Variants in SYDE1 observed in about 807,000 individuals in gnomAD.
SYDE1 encodes the protein rho GTPase-activating protein SYDE1.
In SYDE1, 34 loss-of-function variants were observed where a neutral mutation model predicts 63.3. The ratio of observed to expected loss-of-function variants is 0.54; its 90% CI spans 0.41 to 0.71. The LOEUF (loss-of-function observed/expected upper bound fraction) is 0.71. Among genes scored for constraint, SYDE1 ranks in the 30% least tolerant of loss-of-function variants. SYDE1 has a pLI of 0.00. For synonymous variants in SYDE1, 467 were observed against 473.4 expected, an observed-to-expected ratio of 0.99 and a Z score of 0.18; for missense variants, 925 against 1,042.5, an observed-to-expected ratio of 0.89 and a Z score of 1.55.
At position 15,110,424 on chromosome 19, in the gene SYDE1, G is replaced by T; in HGVS notation, c.1075+76G>T. On this transcript the variant is annotated intron_variant, in intron 3 of 7. Coordinates refer to ENST00000342784, the MANE Select transcript of SYDE1 (RefSeq NM_033025.6). This position sits in a 1 kb window ranked among gnomAD's most constrained non-coding sequence, Gnocchi z 6.9. ...CGCCACCCCCCGCAGAGTGCCTAGG[G>T]GGCTGGGCTCCGGGCGGAAGGTGTG... 1.4e-6 allele frequency: 2 copies of T among 1,474,780 alleles called. No individual in the cohort carries two copies. Among genetic ancestry groups the T allele is most frequent in the Non-Finnish European group, 9.0e-7 (1 of 1,108,768 alleles). 91.4% of individuals were successfully genotyped at this position (1,474,780 alleles called of 1,614,324 possible).
chr19:15,109,597 C>G lies in SYDE1; in HGVS notation c.431-107C>G, dbSNP rs1288429573. ...AGCATCAGCCTCACACCCTCCTCCC[C>G]GCCAGGGGAACACCAGCCTCACACT... is the stretch of plus-strand genomic sequence containing the variant. On this transcript the variant is annotated intron_variant, in intron 2 of 7. Transcript: ENST00000342784. The surrounding 1 kb of genome is among the most constrained non-coding windows in gnomAD (Gnocchi z 5.0). The G allele has an allele frequency of 4.3e-6, 4 of 928,526 alleles. No homozygotes were observed. Among genetic ancestry groups the G allele is most frequent in the African/African-American group, 3.4e-5 (2 of 59,424 alleles). 57.5% of individuals were successfully genotyped at this position (928,526 alleles called of 1,614,324 possible). A position where few individuals can be genotyped will look rare whatever the true frequency, so the allele number is the denominator to read the frequency against.
intron 1 of SYDE1, 24 bp downstream of exon 1, chr19:15,107,545 A>G (rs896580111): frequency 1.3e-6 from 2 of 1,518,052 alleles, no homozygotes; most frequent in Non-Finnish European, 1.8e-6. Flanking sequence ...GGTGGGGAAC[A>G]GGGGGCGCCG....
rs1255640500 is a variant in SYDE1 at position 15,109,816 on chromosome 19, C to G, written c.543C>G (p.Ser181Arg). The part of the protein sequence containing the change: ...KKLPELRRRL[S>R]LRGPRAGRER... ...TGCCGGAACTGCGGCGCCGCCTGAG[C>G]CTGCGAGGCCCCCGGGCTGGCAGGG... The change falls in exon 3 of 8, where the codon AGC becomes AGG. Residue 181 changes from serine to arginine, a missense_variant. This residue lies in a region of SYDE1 where 599 missense variants were observed against 653.7 expected (regional missense o/e 0.92). Transcript: ENST00000342784. The surrounding 1 kb of genome is among the most constrained non-coding windows in gnomAD (Gnocchi z 5.0). 5.9e-6 allele frequency: 9 copies of G among 1,534,336 alleles called. No homozygotes were observed. Among genetic ancestry groups the G allele is most frequent in the Non-Finnish European group, 7.0e-6 (8 of 1,145,230 alleles).
Position 15,113,852 on chromosome 19 carries a change from C to A in SYDE1, c.2097C>A (p.Phe699Leu). The A allele has an allele frequency of 6.2e-7, 1 of 1,614,184 alleles. No homozygotes were observed. Among genetic ancestry groups the A allele is most frequent in the Non-Finnish European group, 8.5e-7 (1 of 1,180,032 alleles). ...EVGEPRVTGD[F>L]EDDFDAPFNP... The stretch of plus-strand genomic sequence containing the variant: ...GCGAGCCGAGGGTCACCGGTGACTT[C>A]GAAGACGACTTCGATGCGCCCTTCA... Residue 699 changes from phenylalanine to leucine, a missense_variant, in exon 8 of 8, where the codon TTC becomes TTA. Physicochemically the swap from Phe to Leu is conservative, Grantham distance 22. Around this residue, in one of 3 missense-constraint regions of SYDE1, gnomAD observed 255 missense variants for 255.9 expected, o/e 1.00. Transcript: ENST00000342784.
chr19:15,111,251 C>A lies in SYDE1; in HGVS notation c.1291-62C>A, dbSNP rs1465391563. 6.3e-7 allele frequency: 1 copy of A among 1,593,580 alleles called. No homozygotes were observed. The highest frequency in any genetic ancestry group is 2.2e-5 in the East Asian group (1 of 44,616). On this transcript the variant is annotated intron_variant, in intron 4 of 7. Coordinates refer to ENST00000342784, the MANE Select transcript of SYDE1 (RefSeq NM_033025.6). This position sits in a 1 kb window ranked among gnomAD's most constrained non-coding sequence, Gnocchi z 5.5. ...GCCCAGAATTCCAGTGCTCACCCCA[C>A]TGGGCCCTGATTAGTCTGTGGCCCC...
intron 6 of SYDE1, 106 bp from the exon 7 acceptor site, chr19:15,112,240 T>G: frequency 5.8e-6 from 4 of 690,894 alleles, no homozygotes; most frequent in South Asian, 1.9e-5. Context: ...ATCCCAGCTA[T>G]GAGACTGTGA....
Position 15,110,178 on chromosome 19 carries a change from G to C in SYDE1, c.905G>C (p.Arg302Pro). 1.1e-5 allele frequency: 16 copies of C among 1,410,650 alleles called. No individual in the cohort carries two copies. The highest frequency in any genetic ancestry group is 1.4e-5 in the Non-Finnish European group (15 of 1,086,106). 87.4% of individuals were successfully genotyped at this position (1,410,650 alleles called of 1,614,324 possible). The change falls in exon 3 of 8, where the codon CGA becomes CCA. Residue 302 changes from arginine (R) to proline (P), a missense_variant. Physicochemically the swap from Arg to Pro is moderately radical, Grantham distance 103 (BLOSUM62 -2). Coordinates refer to ENST00000342784, the MANE Select transcript of SYDE1 (RefSeq NM_033025.6). The surrounding 1 kb of genome is among the most constrained non-coding windows in gnomAD (Gnocchi z 6.9). ...LLQVDGEARA[R>P]TGPLRGGPDF... is the part of the protein sequence containing the mutation. The stretch of plus-strand genomic sequence containing the variant: ...CAAGTGGATGGGGAGGCCAGGGCCC[G>C]AACAGGGCCACTGCGAGGGGGGCCG...
Position 15,110,188 on chromosome 19 carries a change from A to G in SYDE1, c.915A>G (p.Pro305=). The change falls in exon 3 of 8, where the codon CCA becomes CCG. Residue 305 remains proline (P), a synonymous_variant. Transcript: ENST00000342784. The surrounding 1 kb of genome is among the most constrained non-coding windows in gnomAD (Gnocchi z 6.9). ...VDGEARARTG[P]LRGGPDFLRL... is the part of the protein sequence containing the mutation. ...GGGAGGCCAGGGCCCGAACAGGGCCACTGCGAGGGGGGCCGGACTTCCTGC... is the reference window on the plus strand; with the variant it reads ...GGGAGGCCAGGGCCCGAACAGGGCCGCTGCGAGGGGGGCCGGACTTCCTGC... The G allele has an allele frequency of 7.1e-7, 1 of 1,413,600 alleles. No homozygotes were observed. The highest frequency in any genetic ancestry group is 9.2e-7 in the Non-Finnish European group (1 of 1,086,820). 87.6% of individuals were successfully genotyped at this position (1,413,600 alleles called of 1,614,324 possible). A position where few individuals can be genotyped will look rare whatever the true frequency, so the allele number is the denominator to read the frequency against.
chr19:15,110,729 G>C lies in SYDE1; in HGVS notation c.1284G>C (p.Gly428=). 1 of 1,549,188 alleles carries C rather than the reference G, an allele frequency of 6.5e-7. No homozygotes were observed. The highest frequency in any genetic ancestry group is 8.7e-7 in the Non-Finnish European group (1 of 1,149,568). The stretch of plus-strand genomic sequence containing the variant: ...GCGTTGGGCAGATCGAGCGCCGAGG[G>C]CTGCGGGTGAGCACCCACCCCACCC... ...QKCVGQIERR[G]LRVVGLYRLC... The change falls in exon 4 of 8, where the codon GGG becomes GGC. Residue 428 remains glycine, a synonymous_variant. Transcript: ENST00000342784. This position sits in a 1 kb window ranked among gnomAD's most constrained non-coding sequence, Gnocchi z 6.9.
chr19:15,107,520 C>T lies in SYDE1; in HGVS notation c.87C>T (p.Arg29=). 2 of 1,541,624 alleles carry T rather than the reference C, an allele frequency of 1.3e-6. No individual in the cohort carries two copies. Among genetic ancestry groups the T allele is most frequent in the Non-Finnish European group, 1.8e-6 (2 of 1,140,594 alleles). ...GGAAAAAGTCGGACGCCAAGGAGCG[C>T]GGTAAGCGGAGATCGGTGGGGAACA... ...LPRKKSDAKE[R]GHPAQRPEPS... Residue 29 remains arginine (R), a splice_region_variant and synonymous_variant, in exon 1 of 8, where the codon CGC becomes CGT. Coordinates refer to ENST00000342784, the MANE Select transcript of SYDE1 (RefSeq NM_033025.6).
chr19:15,113,459 G>A (rs2046359151), intron 7 of SYDE1, 101 bp from the exon 8 acceptor site: 1 of 1,394,724 alleles, frequency 7.2e-7, no homozygotes, highest in African/African-American at 1.4e-5. Flanking sequence ...TGAAAGGGTC[G>A]AAGGCCGCTT....
rs2046345883 is a variant in SYDE1, at chr19:15,111,534, G to C, written c.1417+95G>C. ...CTCTGGGACCTCAGTCCTCCTATCT[G>C]ACCTTGCTTTCACCCACCTCCTCTT... On this transcript the variant is annotated intron_variant, in intron 5 of 7. Coordinates refer to ENST00000342784, the MANE Select transcript of SYDE1 (RefSeq NM_033025.6). The surrounding 1 kb of genome is among the most constrained non-coding windows in gnomAD (Gnocchi z 5.5). The C allele has an allele frequency of 6.3e-7, 1 of 1,597,700 alleles. No homozygotes were observed. Among genetic ancestry groups the C allele is most frequent in the Admixed American group, 1.7e-5 (1 of 59,310 alleles).
chr19:15,112,290 T>C, intron 6 of SYDE1, 56 bp from the exon 7 acceptor site: 1 of 1,230,432 alleles, frequency 8.1e-7, no homozygotes, highest in South Asian at 1.4e-5. Context: ...CTCTTGCAGG[T>C]AGGTGCCACA....
chr19:15,114,013 G>A lies in SYDE1; in HGVS notation c.*50G>A. The A allele has an allele frequency of 6.4e-7, 1 of 1,550,588 alleles. No homozygotes were observed. Among genetic ancestry groups the A allele is most frequent in the East Asian group, 2.3e-5 (1 of 44,386 alleles). On this transcript the variant is annotated 3_prime_UTR_variant, in exon 8 of 8. Transcript: ENST00000342784. The stretch of plus-strand genomic sequence containing the variant: ...GTTAGTAAGGACCGGGCGCCCAGTG[G>A]CTAAGGCGGTGCCCTGGTGACCAAG...
rs2046341509 is a variant in SYDE1, at chr19:15,110,772, G to A, written c.1290+37G>A. The A allele has an allele frequency of 6.8e-7, 1 of 1,473,872 alleles. No individual in the cohort carries two copies. The highest frequency in any genetic ancestry group is 9.1e-7 in the Non-Finnish European group (1 of 1,100,810). 91.3% of individuals were successfully genotyped at this position (1,473,872 alleles called of 1,614,324 possible). ...CCCCACCCCAACCCTCTGGCCCCCAGACCTCAGACCACTCTTCAGGACACC... is the reference window on the plus strand; with the variant it reads ...CCCCACCCCAACCCTCTGGCCCCCAAACCTCAGACCACTCTTCAGGACACC... On this transcript the variant is annotated intron_variant, in intron 4 of 7. Transcript: ENST00000342784. This position sits in a 1 kb window ranked among gnomAD's most constrained non-coding sequence, Gnocchi z 6.9.
Position 15,111,710 on chromosome 19 carries a change from T to A in SYDE1, c.1496T>A (p.Met499Lys). ...QPLYKVVLEA[M>K]ARDPPNRVPP... ...CTGTATAAGGTGGTACTGGAGGCCA[T>A]GGCCCGGGACCCCCCAAACAGAGTT... The change falls in exon 6 of 8, where the codon ATG becomes AAG. Residue 499 changes from methionine (M) to lysine (K), a missense_variant. Physicochemically the swap from Met to Lys is moderately conservative, Grantham distance 95 (BLOSUM62 -1). Around this residue, in one of 3 missense-constraint regions of SYDE1, gnomAD observed 71 missense variants for 132.8 expected, o/e 0.53. Transcript: ENST00000342784. This position sits in a 1 kb window ranked among gnomAD's most constrained non-coding sequence, Gnocchi z 5.5. The A allele has an allele frequency of 6.2e-7, 1 of 1,612,668 alleles. No homozygotes were observed. Among genetic ancestry groups the A allele is most frequent in the Non-Finnish European group, 8.5e-7 (1 of 1,179,352 alleles).
chr19:15,111,803 C>T lies in SYDE1; in HGVS notation c.1578+11C>T. The T allele has an allele frequency of 6.4e-7, 1 of 1,562,690 alleles. No individual in the cohort carries two copies. Among genetic ancestry groups the T allele is most frequent in the Non-Finnish European group, 8.7e-7 (1 of 1,154,936 alleles). ...CCAGATGTGGAAAGGGTGAGTTGGG[C>T]CTGGTGGGAGTGATGGGACTTGAGA... On this transcript the variant is annotated intron_variant, in intron 6 of 7. Transcript: ENST00000342784. This position sits in a 1 kb window ranked among gnomAD's most constrained non-coding sequence, Gnocchi z 5.5.
At position 15,109,719 on chromosome 19, in the gene SYDE1, G is replaced by GC; in HGVS notation, c.452dup (p.Thr152AsnfsTer241). The GC allele has an allele frequency of 4.6e-6, 7 of 1,515,646 alleles. No individual in the cohort carries two copies. The highest frequency in any genetic ancestry group is 2.7e-6 in the Non-Finnish European group (3 of 1,130,906). 93.9% of individuals were successfully genotyped at this position (1,515,646 alleles called of 1,614,324 possible). A position where few individuals can be genotyped will look rare whatever the true frequency, so the allele number is the denominator to read the frequency against. On this transcript the variant is annotated frameshift_variant, in exon 3 of 8. Transcript: ENST00000342784. LOFTEE classifies it high-confidence loss of function. The surrounding 1 kb of genome is among the most constrained non-coding windows in gnomAD (Gnocchi z 5.0). Reference sequence around the variant, plus strand: ...CTCCACACAGGTGCAGCCCCCGCCAGCCCCCCAACCAAAGCCTCCCGCACC... The same window carrying GC: ...CTCCACACAGGTGCAGCCCCCGCCAGCCCCCCCAACCAAAGCCTCCCGCACC...
chr19:15,110,805 C>T lies in SYDE1; in HGVS notation c.1290+70C>T. 7.6e-7 allele frequency: 1 copy of T among 1,318,418 alleles called. No homozygotes were observed. Among genetic ancestry groups the T allele is most frequent in the Non-Finnish European group, 1.0e-6 (1 of 975,048 alleles). The allele number at this position is 1,318,418 out of a possible 1,614,324, so 81.7% of individuals were successfully genotyped here. On this transcript the variant is annotated intron_variant, in intron 4 of 7. Coordinates refer to ENST00000342784, the MANE Select transcript of SYDE1 (RefSeq NM_033025.6). The surrounding 1 kb of genome is among the most constrained non-coding windows in gnomAD (Gnocchi z 6.9). The stretch of plus-strand genomic sequence containing the variant: ...ACCACTCTTCAGGACACCCTATGTA[C>T]AGATGCCAGACCCCTACCCCCAGGC...
Sources: gnomAD v4.1 joint callset for allele counts on GRCh38, gnomAD v4.1.1 for gene constraint, gnomAD v4.1.1 regional missense constraint, Gnocchi (gnomAD v3.1) non-coding constraint, MANE v1.5 for transcripts, NCBI Gene and HGNC (gene_info 2026-07-23, HGNC 2026-07-21) for gene names.